Variants in SPRY3 observed in about 807,000 individuals in gnomAD.
SPRY3 encodes the protein sprouty RTK signaling antagonist 3, also known as protein sprouty homolog 3.
In SPRY3, 15 loss-of-function variants were observed where a neutral mutation model predicts 20.2. The ratio of observed to expected loss-of-function variants is 0.74; its 90% CI spans 0.50 to 1.14. The LOEUF is 1.14. SPRY3 is among the 50% of genes most tolerant of loss of function. The pLI is 0.00. For missense variants in SPRY3, 364 were observed against 363.9 expected (o/e 1.00, Z 0.00); for synonymous variants, 143 against 136.5 (o/e 1.05, Z -0.33).
At chrX:155,745,053 C>T (rs772421556) in intron 2 of SPRY3, among the ~76,000 whole-genome samples, 1 of 152,192 alleles carries the variant, frequency 6.6e-6, no homozygotes, top group East Asian at 1.9e-4. Flanking sequence ...TTCCTAGTCT[C>T]ATTTTCTCAC....
chrX:155,678,639 G>T (rs892019412), intron 2 of SPRY3, among the ~76,000 whole-genome samples: 1 of 111,442 alleles, frequency 9.0e-6, no homozygotes, highest in Admixed American at 9.6e-5. Flanking sequence ...GAGTGGCTTT[G>T]TATGGCATTT....
chrX:155,716,981 A>AAC (rs1206891749), intron 2 of SPRY3, among the ~76,000 whole-genome samples: 2 of 63,500 alleles, frequency 3.1e-5, no homozygotes, highest in Non-Finnish European at 5.8e-5. Flanking sequence ...TAAAATACAA[A>AAC]ATATATATAT....
chrX:155,774,589 C>T, exon 4 of SPRY3: 2 of 1,613,990 alleles, frequency 1.2e-6, no homozygotes, highest in Non-Finnish European at 1.7e-6. Flanking sequence ...CTGCTACCTG[C>T]CTACCCGTGG....
At chrX:155,719,027 C>T (rs1025434150) in intron 2 of SPRY3, among the ~76,000 whole-genome samples, 1 of 152,098 alleles carries the variant, frequency 6.6e-6, no homozygotes, top group Non-Finnish European at 1.5e-5. Context: ...CTCACAGTAC[C>T]TGGTTTAGCT....
chrX:155,734,865 C>T (rs2091157542), intron 2 of SPRY3, among the ~76,000 whole-genome samples: 1 of 151,598 alleles, frequency 6.6e-6, no homozygotes, highest in Non-Finnish European at 1.5e-5. Flanking sequence ...GATTGCTGCC[C>T]TAATTTTACT....
intron 2 of SPRY3, among the ~76,000 whole-genome samples, chrX:155,735,331 A>T (rs1293587126): frequency 2.6e-5 from 4 of 152,034 alleles, no homozygotes; most frequent in Admixed American, 6.6e-5. Context: ...ATTCTATGTC[A>T]ATCAGGTCCA....
chrX:155,774,115 T>A, exon 4 of SPRY3: 1 of 1,613,956 alleles, frequency 6.2e-7, no homozygotes, highest in Non-Finnish European at 8.5e-7. Context: ...TCTGAGCCAA[T>A]CTAGCATTGC....
At chrX:155,649,829 A>T (rs1462199883) in intron 1 of SPRY3, among the ~76,000 whole-genome samples, 1 of 111,430 alleles carries the variant, frequency 9.0e-6, no homozygotes. Context: ...AAGTCAAATT[A>T]TCTCTGTTTG....
At chrX:155,758,905 A>T (rs1316055598) in intron 2 of SPRY3, among the ~76,000 whole-genome samples, 1 of 152,174 alleles carries the variant, frequency 6.6e-6, no homozygotes, top group Non-Finnish European at 1.5e-5. Context: ...TTCTAGGAAT[A>T]TAAATAAGTC....
intron 2 of SPRY3, among the ~76,000 whole-genome samples, chrX:155,662,516 C>A (rs2068012853): frequency 9.1e-6 from 1 of 109,439 alleles, no homozygotes; most frequent in Non-Finnish European, 1.9e-5. Flanking sequence ...TACTTCCAGG[C>A]CAGTAGGTGG....
chrX:155,717,710 T>C (rs1602960064), intron 2 of SPRY3, among the ~76,000 whole-genome samples: 2 of 152,234 alleles, frequency 1.3e-5, no homozygotes, highest in East Asian at 1.9e-4. Flanking sequence ...TCCAGCTTCA[T>C]CCATGTCCCT....
At chrX:155,778,179 C>T (rs1426629771), downstream of SPRY3, 1 of 166,980 alleles carries the variant, frequency 6.0e-6, no homozygotes, top group Non-Finnish European at 1.5e-5. Context: ...GTCCATGCTC[C>T]AGAGTCAGAT....
intron 2 of SPRY3, among the ~76,000 whole-genome samples, chrX:155,706,679 T>C (rs2090953730): frequency 6.6e-6 from 1 of 150,704 alleles, no homozygotes; most frequent in Admixed American, 6.6e-5. Context: ...AGACCACACA[T>C]ACATTAAAAA....
chrX:155,680,875 C>T (rs771033551), intron 2 of SPRY3, among the ~76,000 whole-genome samples: 4 of 111,297 alleles, frequency 3.6e-5, no homozygotes, highest in East Asian at 5.6e-4. Flanking sequence ...TGATTGTGAT[C>T]GGTGATCTTT....
chrX:155,658,089 C>CTA (rs1490314290), intron 2 of SPRY3, among the ~76,000 whole-genome samples: 9 of 112,472 alleles, frequency 8.0e-5, no homozygotes, highest in African/African-American at 2.9e-4. Context: ...GTTTTGGTTG[C>CTA]TATAGCCTTG....
chrX:155,647,057 T>A (rs369476835), intron 1 of SPRY3, among the ~76,000 whole-genome samples: 2 of 111,856 alleles, frequency 1.8e-5, no homozygotes, highest in African/African-American at 6.5e-5. Context: ...GATCGTATAT[T>A]TTTTTAATCC....
At chrX:155,710,965 G>T (rs938376390) in intron 2 of SPRY3, among the ~76,000 whole-genome samples, 4 of 151,502 alleles carry the variant, frequency 2.6e-5, no homozygotes, top group Non-Finnish European at 4.4e-5. Flanking sequence ...GTATCACATT[G>T]ATTGACTTGC....
At chrX:155,737,896 T>A (rs768993981) in intron 2 of SPRY3, among the ~76,000 whole-genome samples, 2 of 152,344 alleles carry the variant, frequency 1.3e-5, no homozygotes, top group East Asian at 3.9e-4. Context: ...AATTGGAATG[T>A]GGGAATATAA....
At chrX:155,722,220 AT>A (rs946094402) in intron 2 of SPRY3, among the ~76,000 whole-genome samples, 13 of 152,268 alleles carry the variant, frequency 8.5e-5, no homozygotes, top group Admixed American at 6.5e-4. Flanking sequence ...ACATAAAAAA[AT>A]ACACTAAAAA....
Sources: allele counts gnomAD v4.1 joint callset (sites outside exome capture counted in the v4.1 genomes callset), GRCh38; gene constraint gnomAD v4.1.1; transcripts MANE v1.5; gene names NCBI Gene and HGNC (gene_info 2026-07-23, HGNC 2026-07-21).